ATRNL1: variants seen among roughly 807,000 people sequenced by gnomAD.
ATRNL1 encodes attractin-like protein 1.
ATRNL1 carries 95 observed loss-of-function variants against 182.7 expected under a neutral mutation model. The observed-to-expected ratio is 0.52, with a 90% CI of 0.44 to 0.62. ATRNL1 has a LOEUF of 0.62. ATRNL1 is among the 20% of genes least tolerant of loss of function. The pLI is 0.00. For synonymous variants in ATRNL1, 576 were observed against 568.3 expected (o/e 1.01, Z -0.19); for missense variants, 1,471 against 1,679.5 (o/e 0.88, Z 2.17).
intron 21 of ATRNL1, among the ~76,000 whole-genome samples, chr10:115,435,255 A>G (rs671943): frequency 0.71 from 107,183 of 151,784 alleles, 38,839 homozygotes; most frequent in African/African-American, 0.78. Flanking sequence ...TCCTGACCTC[A>G]TGATCCGCCC....
chr10:115,553,668 T>C (rs1033803863), intron 26 of ATRNL1, among the ~76,000 whole-genome samples: 90 of 151,444 alleles, frequency 5.9e-4, no homozygotes, highest in African/African-American at 1.6e-3. Flanking sequence ...AATAAACCAA[T>C]ACCCACAAGT....
At chr10:115,139,016 C>G (rs1247102443) in intron 5 of ATRNL1, among the ~76,000 whole-genome samples, 1 of 152,178 alleles carries the variant, frequency 6.6e-6, no homozygotes, top group Non-Finnish European at 1.5e-5. Flanking sequence ...CAAAGCTCCA[C>G]AAATCTCTAG....
At chr10:115,663,211 G>C (rs1328252349) in intron 26 of ATRNL1, among the ~76,000 whole-genome samples, 4 of 151,946 alleles carry the variant, frequency 2.6e-5, no homozygotes, top group Admixed American at 6.6e-5. Flanking sequence ...GTAAACTGAG[G>C]TTCAAAGAAT....
At chr10:115,625,846 T>A (rs1348056173) in intron 26 of ATRNL1, among the ~76,000 whole-genome samples, 5 of 152,154 alleles carry the variant, frequency 3.3e-5, no homozygotes, top group Non-Finnish European at 7.3e-5. Flanking sequence ...TTTCTCTAGA[T>A]GACATTTCCA....
At chr10:115,348,203 C>T (rs1856064159) in intron 19 of ATRNL1, among the ~76,000 whole-genome samples, 1 of 152,132 alleles carries the variant, frequency 6.6e-6, no homozygotes, top group African/African-American at 2.4e-5. Flanking sequence ...AGACTCCTGA[C>T]CTCAGGTGAT....
At chr10:115,738,166 T>G (rs1948029977) in intron 27 of ATRNL1, among the ~76,000 whole-genome samples, 1 of 132,078 alleles carries the variant, frequency 7.6e-6, no homozygotes, top group African/African-American at 3.0e-5. Context: ...TGAGATGGAG[T>G]CCTGCTCTGT....
chr10:115,106,102 C>G (rs1355271084), intron 1 of ATRNL1, among the ~76,000 whole-genome samples: 13 of 152,210 alleles, frequency 8.5e-5, no homozygotes, highest in Non-Finnish European at 1.8e-4. Context: ...TGCAAAGCCA[C>G]AGGGTCGGAG....
At chr10:115,126,520 A>G (rs1427117431) in intron 3 of ATRNL1, among the ~76,000 whole-genome samples, 1 of 152,194 alleles carries the variant, frequency 6.6e-6, no homozygotes, top group Admixed American at 6.5e-5. Context: ...TTGTTTTGAG[A>G]GTCTCATTTT....
At chr10:115,520,249 T>C (rs570377623) in intron 25 of ATRNL1, among the ~76,000 whole-genome samples, 1 of 152,348 alleles carries the variant, frequency 6.6e-6, no homozygotes, top group African/African-American at 2.4e-5. Flanking sequence ...GCACAGATGA[T>C]GTATTTGGAA....
At chr10:115,408,991 G>C (rs1287645885) in intron 20 of ATRNL1, among the ~76,000 whole-genome samples, 3 of 152,124 alleles carry the variant, frequency 2.0e-5, no homozygotes, top group African/African-American at 7.2e-5. Flanking sequence ...ATATTTTGAA[G>C]TCTGGTAGTG....
intron 8 of ATRNL1, among the ~76,000 whole-genome samples, chr10:115,175,291 G>A (rs1175303447): frequency 2.0e-5 from 3 of 152,032 alleles, no homozygotes; most frequent in Non-Finnish European, 4.4e-5. Context: ...AGGATGGCTA[G>A]GAAAGTACTA....
intron 28 of ATRNL1, among the ~76,000 whole-genome samples, chr10:115,873,616 G>A (rs1000260763): frequency 2.4e-4 from 36 of 152,318 alleles, no homozygotes; most frequent in Middle Eastern, 3.4e-3. Context: ...AAAGGGAGGA[G>A]TGAGGACCCT....
At chr10:115,556,027 A>T (rs947756638) in intron 26 of ATRNL1, among the ~76,000 whole-genome samples, 1 of 152,068 alleles carries the variant, frequency 6.6e-6, no homozygotes, top group Admixed American at 6.5e-5. Context: ...CAAGTCTGTC[A>T]GACCGAACCA....
chr10:115,875,188 A>G (rs944616559), intron 28 of ATRNL1, among the ~76,000 whole-genome samples: 1 of 152,170 alleles, frequency 6.6e-6, no homozygotes, highest in Non-Finnish European at 1.5e-5. Context: ...GAACTCATTA[A>G]AGAGATTTTT....
intron 28 of ATRNL1, among the ~76,000 whole-genome samples, chr10:115,888,140 C>A (rs1003324984): frequency 1.7e-4 from 26 of 152,278 alleles, no homozygotes; most frequent in Admixed American, 7.8e-4. Context: ...TAGCAGTCCT[C>A]TCTCACTTTG....
chr10:115,305,839 T>C (rs1371990208), intron 17 of ATRNL1, among the ~76,000 whole-genome samples: 2 of 152,128 alleles, frequency 1.3e-5, no homozygotes, highest in Admixed American at 1.3e-4. Context: ...GGGGGAAGTT[T>C]AGGGGTGCTG....
At chr10:115,425,615 G>A (rs556549159) in intron 20 of ATRNL1, among the ~76,000 whole-genome samples, 35 of 152,000 alleles carry the variant, frequency 2.3e-4, no homozygotes, top group African/African-American at 7.5e-4. Context: ...GTATGGATGC[G>A]CATATGTTCT....
chr10:115,781,361 A>G (rs537268798), intron 27 of ATRNL1, among the ~76,000 whole-genome samples: 45 of 152,356 alleles, frequency 3.0e-4, no homozygotes, highest in African/African-American at 1.0e-3. Flanking sequence ...TAAGCCTAAC[A>G]GAAATGAGTA....
chr10:115,431,427 A>G (rs1422826470), intron 21 of ATRNL1, among the ~76,000 whole-genome samples: 1 of 151,802 alleles, frequency 6.6e-6, no homozygotes, highest in Non-Finnish European at 1.5e-5. Flanking sequence ...AAAGAAAAGA[A>G]AAGATATAAT....
Sources: gnomAD v4.1 joint callset for allele counts (sites outside exome capture counted in the v4.1 genomes callset) on GRCh38, gnomAD v4.1.1 for gene constraint, MANE v1.5 for transcripts, NCBI Gene and HGNC (gene_info 2026-07-23, HGNC 2026-07-21) for gene names.